SLC9B1: variants seen among roughly 807,000 people sequenced by gnomAD.
SLC9B1 encodes sodium/hydrogen exchanger 9B1.
In SLC9B1, 32 loss-of-function variants were observed where a neutral mutation model predicts 51.7. The ratio of observed to expected loss-of-function variants is 0.62; its 90% confidence interval spans 0.47 to 0.83. The LOEUF (loss-of-function observed/expected upper bound fraction) is 0.83, where lower values mean the gene tolerates loss of function less well. SLC9B1 is among the 40% of genes least tolerant of loss of function. SLC9B1 has a pLI of 0.00. For synonymous variants in SLC9B1, 145 were observed against 212.7 expected, an observed-to-expected ratio of 0.68 and a Z score of 2.77; for missense variants, 406 against 613.2, an observed-to-expected ratio of 0.66 and a Z score of 3.57.
intron 11 of SLC9B1, among the ~76,000 whole-genome samples, chr4:102,893,281 C>CA (rs58316456): frequency 0.01 from 352 of 35,012 alleles, 21 homozygotes; most frequent in South Asian, 0.017. Flanking sequence ...GACTCCATCT[C>CA]AAAAAAAAAA....
At chr4:102,966,229 C>A (rs1738423217) in intron 3 of SLC9B1, among the ~76,000 whole-genome samples, 1 of 152,224 alleles carries the variant, frequency 6.6e-6, no homozygotes, top group Non-Finnish European at 1.5e-5. Flanking sequence ...TTCTGCTCAG[C>A]ATTGCCCTAG....
chr4:102,918,068 CAAAAAAA>C, intron 7 of SLC9B1, among the ~76,000 whole-genome samples: 1 of 17,766 alleles, frequency 5.6e-5, no homozygotes, highest in Non-Finnish European at 1.5e-4. Context: ...AACTCCATCT[CAAAAAAA>C]AAAAAAAAAA....
At chr4:102,904,296 G>T (rs1309340189) in intron 11 of SLC9B1, among the ~76,000 whole-genome samples, 2 of 152,046 alleles carry the variant, frequency 1.3e-5, no homozygotes, top group African/African-American at 2.4e-5. Context: ...CTGAGCTCAA[G>T]TGATCTGCCT....
At chr4:102,895,417 AG>A (rs1421831680) in intron 11 of SLC9B1, among the ~76,000 whole-genome samples, 2 of 152,198 alleles carry the variant, frequency 1.3e-5, no homozygotes, top group Non-Finnish European at 2.9e-5. Context: ...ATGTGGAAAA[AG>A]GTAACACTTA....
intron 6 of SLC9B1, among the ~76,000 whole-genome samples, chr4:102,937,433 A>C (rs1736775106): frequency 1.3e-5 from 2 of 148,410 alleles, no homozygotes; most frequent in South Asian, 2.1e-4. Context: ...AAAAAAAAAA[A>C]AAAAAAAACT....
At chr4:102,927,755 AC>A (rs1378621434) in intron 7 of SLC9B1, among the ~76,000 whole-genome samples, 1 of 152,164 alleles carries the variant, frequency 6.6e-6, no homozygotes, top group Non-Finnish European at 1.5e-5. Flanking sequence ...AAATCATGCT[AC>A]TATAAAGACA....
intron 8 of SLC9B1, 27 bp downstream of exon 8, chr4:102,911,404 C>T: frequency 2.7e-6 from 4 of 1,486,032 alleles, no homozygotes; most frequent in East Asian, 2.3e-5. Flanking sequence ...TAATACTATA[C>T]TTCTATAAAA....
intron 6 of SLC9B1, among the ~76,000 whole-genome samples, chr4:102,936,507 CCA>C (rs1211484632): frequency 6.6e-6 from 1 of 152,124 alleles, no homozygotes. Flanking sequence ...TCTAAGGAAT[CCA>C]ATAAGATGAC....
intron 1 of SLC9B1, among the ~76,000 whole-genome samples, chr4:103,016,203 T>C (rs1384156869): frequency 1.3e-5 from 2 of 148,184 alleles, no homozygotes; most frequent in Non-Finnish European, 3.0e-5. Context: ...CCAATACTTC[T>C]ATATATTCCC....
chr4:102,991,579 G>A lies in SLC9B1; in HGVS notation c.69+64C>T, dbSNP rs189727271. Reference sequence around the variant, plus strand: ...AGAAACCTATCTAATAAGTAAATTAGGAATAAATTTTAAGATCAGGTTGAT... The same window carrying A: ...AGAAACCTATCTAATAAGTAAATTAAGAATAAATTTTAAGATCAGGTTGAT... On this transcript the variant is annotated intron_variant, in intron 2 of 11. Coordinates refer to ENST00000296422, the MANE Select transcript of SLC9B1 (RefSeq NM_139173.4). The A allele has an allele frequency of 1.6e-3, 1,764 of 1,106,782 alleles. 2 individuals carry two copies. The highest frequency in any genetic ancestry group is 2.0e-3 in the Non-Finnish European group (1,621 of 797,484). 68.6% of individuals were successfully genotyped at this position (1,106,782 alleles called of 1,614,324 possible).
At chr4:102,969,823 T>C (rs10006327) in intron 3 of SLC9B1, among the ~76,000 whole-genome samples, 89,526 of 151,992 alleles carry the variant, frequency 0.59, 28,054 homozygotes, top group African/African-American at 0.82. Flanking sequence ...AACCATGGCA[T>C]GAGAACTACA....
At position 102,906,454 on chromosome 4, in the gene SLC9B1, T is replaced by C. The variant is rs149948389; in HGVS notation, c.1195+82A>G. ...AAGAAGGTCGTTGTAGCCAAAGATA[T>C]ATTGTAAATAAAAATAAATGTATTT... On this transcript the variant is annotated intron_variant, in intron 10 of 11. Transcript: ENST00000296422. 1.5e-3 allele frequency: 1,105 copies of C among 727,852 alleles called. 8 individuals are homozygous for C. In the African/African-American group the frequency reaches 0.018, roughly 12 times the overall value. The allele number at this position is 727,852 out of a possible 1,614,324, so 45.1% of individuals were successfully genotyped here.
chr4:103,010,090 G>A (rs1293395884), intron 1 of SLC9B1, among the ~76,000 whole-genome samples: 1 of 152,148 alleles, frequency 6.6e-6, no homozygotes, highest in Non-Finnish European at 1.5e-5. Context: ...CCGTTTTCGG[G>A]TGCCTAGATC....
intron 3 of SLC9B1, among the ~76,000 whole-genome samples, chr4:102,959,769 A>G (rs1226848051): frequency 2.0e-5 from 3 of 152,236 alleles, no homozygotes; most frequent in Middle Eastern, 3.2e-3. Context: ...CAAGACAAAT[A>G]CAGAAATGGA....
intron 10 of SLC9B1, among the ~76,000 whole-genome samples, chr4:102,906,126 G>C (rs1008335951): frequency 1.3e-5 from 2 of 151,932 alleles, no homozygotes; most frequent in African/African-American, 4.8e-5. Context: ...AGGAGAGAGG[G>C]GGTTCCCCAT....
chr4:103,010,618 A>T (rs1199599450), intron 1 of SLC9B1, among the ~76,000 whole-genome samples: 3 of 152,232 alleles, frequency 2.0e-5, no homozygotes, highest in Non-Finnish European at 4.4e-5. Context: ...CAGATTTGGC[A>T]TCTGGTAAAA....
chr4:102,935,483 C>A (rs1007722242), intron 6 of SLC9B1, among the ~76,000 whole-genome samples: 1 of 152,108 alleles, frequency 6.6e-6, no homozygotes, highest in Non-Finnish European at 1.5e-5. Flanking sequence ...CTATTCTAGA[C>A]AAACTTATAT....
At chr4:102,885,914 G>GAT (rs1465018027) in intron 11 of SLC9B1, among the ~76,000 whole-genome samples, 1 of 152,164 alleles carries the variant, frequency 6.6e-6, no homozygotes, top group Non-Finnish European at 1.5e-5. Context: ...GGTAGTAAAT[G>GAT]ATAGCCTCAA....
rs369880571 is a variant in SLC9B1, at chr4:102,949,207, C to A, written c.382+50G>T. On this transcript the variant is annotated intron_variant, in intron 4 of 11. Transcript: ENST00000296422. ...ACTAATTCAACAAGAAAATGTTCAA[C>A]ATTTGCATATAGTCAATAATAAAGA... is the stretch of plus-strand genomic sequence containing the variant. The A allele has an allele frequency of 2.2e-3, 2,953 of 1,354,534 alleles. 32 individuals are homozygous for A. The highest frequency in any genetic ancestry group is 9.1e-4 in the Non-Finnish European group (911 of 999,088). 83.9% of individuals were successfully genotyped at this position (1,354,534 alleles called of 1,614,324 possible). A position where few individuals can be genotyped will look rare whatever the true frequency, so the allele number is the denominator to read the frequency against.
Sources: gnomAD v4.1 joint callset for allele counts (sites outside exome capture counted in the v4.1 genomes callset) on GRCh38, gnomAD v4.1.1 for gene constraint, MANE v1.5 for transcripts, NCBI Gene and HGNC (gene_info 2026-07-23, HGNC 2026-07-21) for gene names.